COL27A1: variants seen among roughly 807,000 people sequenced by gnomAD.
The protein encoded by COL27A1 is collagen alpha-1(XXVII) chain.
A neutral mutation model predicts 251.3 loss-of-function variants in COL27A1; 106 were observed. The ratio of observed to expected loss-of-function variants is 0.42; its 90% CI spans 0.36 to 0.50. COL27A1 has a LOEUF of 0.50. Among genes scored for constraint, COL27A1 ranks in the 20% least tolerant of loss-of-function variants. The pLI is 0.00. For synonymous variants in COL27A1, 1,000 were observed against 986.3 expected (o/e 1.01, Z -0.26); for missense variants, 2,325 against 2,522.8 (o/e 0.92, Z 1.68).
chr9:114,290,472 G>C lies in COL27A1; in HGVS notation c.4368+141G>C, dbSNP rs1174959637. 1.3e-6 allele frequency: 1 copy of C among 761,502 alleles called. No individual in the cohort carries two copies. The highest frequency in any genetic ancestry group is 2.2e-6 in the Non-Finnish European group (1 of 448,998). 47.2% of individuals were successfully genotyped at this position (761,502 alleles called of 1,614,324 possible). On this transcript the variant is annotated intron_variant, in intron 47 of 60. Transcript: ENST00000356083. This position sits in a 1 kb window ranked among gnomAD's most constrained non-coding sequence, Gnocchi z 4.6. Reference sequence around the variant, plus strand: ...CACATCCAGAAGTTCTCTGGGGTGGGCAACCATCTCCTCCCCTGGCACCTG... The same window carrying C: ...CACATCCAGAAGTTCTCTGGGGTGGCCAACCATCTCCTCCCCTGGCACCTG...
At chr9:114,179,786 C>T (rs1827748222) in intron 4 of COL27A1, among the ~76,000 whole-genome samples, 1 of 149,918 alleles carries the variant, frequency 6.7e-6, no homozygotes, top group Admixed American at 6.6e-5. Flanking sequence ...GAGTAAATGG[C>T]AGAGCCAGGA....
chr9:114,168,641 C>T lies in COL27A1; in HGVS notation c.1086C>T (p.Thr362=), dbSNP rs2135079987. Residue 362 remains threonine (T), a synonymous_variant, in exon 3 of 61, where the codon ACC becomes ACT. Transcript: ENST00000356083. ...AACCATCACAGAAGATCACAGCCAC[C>T]AAAATCCCCAAAAGCCTCCCTACCA... ...AAQPSQKITA[T]KIPKSLPTKP... 2 of 1,614,158 alleles carry T rather than the reference C, an allele frequency of 1.2e-6. No individual in the cohort carries two copies. The highest frequency in any genetic ancestry group is 1.1e-5 in the South Asian group (1 of 91,074).
chr9:114,256,979 A>G (rs1471762327), intron 27 of COL27A1, among the ~76,000 whole-genome samples: 1 of 152,146 alleles, frequency 6.6e-6, no homozygotes, highest in Admixed American at 6.5e-5. Flanking sequence ...CGGGAGTCAG[A>G]ACTGCCTTTT....
At chr9:114,224,506 G>C (rs1831332102) in intron 14 of COL27A1, among the ~76,000 whole-genome samples, 1 of 152,120 alleles carries the variant, frequency 6.6e-6, no homozygotes, top group Admixed American at 6.5e-5. Context: ...TACATATCCT[G>C]TCTGTCATCC....
At position 114,168,501 on chromosome 9, in the gene COL27A1, G is replaced by A. The variant is rs377356519; in HGVS notation, c.946G>A (p.Gly316Ser). 6.2e-7 allele frequency: 1 copy of A among 1,613,910 alleles called. No homozygotes were observed. The highest frequency in any genetic ancestry group is 2.2e-5 in the East Asian group (1 of 44,844). The change falls in exon 3 of 61, where the codon GGC becomes AGC. Residue 316 changes from glycine (G) to serine (S), a missense_variant. Transcript: ENST00000356083. The part of the protein sequence containing the change: ...TNPHQHMAVG[G>S]PAQTPLLPAK... The stretch of plus-strand genomic sequence containing the variant: ...CCCTCACCAGCATATGGCGGTGGGA[G>A]GCCCAGCCCAAACCCCGCTGCTACC...
At chr9:114,251,380 A>C (rs1006645861) in intron 25 of COL27A1, among the ~76,000 whole-genome samples, 2 of 151,562 alleles carry the variant, frequency 1.3e-5, no homozygotes, top group African/African-American at 2.4e-5. Flanking sequence ...CTATCACTCT[A>C]TGTGGCCCAG....
chr9:114,155,937 A>G lies in COL27A1; in HGVS notation c.-14A>G. On this transcript the variant is annotated 5_prime_UTR_variant, in exon 1 of 61. Coordinates refer to ENST00000356083, the MANE Select transcript of COL27A1 (RefSeq NM_032888.4). This position sits in a 1 kb window ranked among gnomAD's most constrained non-coding sequence, Gnocchi z 5.5. The stretch of plus-strand genomic sequence containing the variant: ...TTGCCCCCCGGGCTCGGGAGCATGA[A>G]GTAGGGGCCTGCCATGGGAGCGGGA... The G allele has an allele frequency of 8.0e-7, 1 of 1,253,470 alleles. No individual in the cohort carries two copies. The allele number at this position is 1,253,470 out of a possible 1,614,324, so 77.6% of individuals were successfully genotyped here.
intron 37 of COL27A1, 64 bp from the exon 38 acceptor site, chr9:114,282,213 G>A (rs752828024): frequency 1.9e-5 from 29 of 1,490,380 alleles, no homozygotes; most frequent in East Asian, 4.5e-5. Context: ...ACCGCCTTGC[G>A]GATCCGCCTC....
chr9:114,155,939 T>C lies in COL27A1; in HGVS notation c.-12T>C, dbSNP rs1429427733. The stretch of plus-strand genomic sequence containing the variant: ...GCCCCCCGGGCTCGGGAGCATGAAG[T>C]AGGGGCCTGCCATGGGAGCGGGATC... On this transcript the variant is annotated 5_prime_UTR_variant, in exon 1 of 61. It removes the in-frame stop codon of an upstream open reading frame in the 5' UTR. Coordinates refer to ENST00000356083, the MANE Select transcript of COL27A1 (RefSeq NM_032888.4). This position sits in a 1 kb window ranked among gnomAD's most constrained non-coding sequence, Gnocchi z 5.5. The C allele has an allele frequency of 2.1e-5, 27 of 1,255,916 alleles. No individual in the cohort carries two copies. Among genetic ancestry groups the C allele is most frequent in the Non-Finnish European group, 2.4e-5 (24 of 996,958 alleles). The allele number at this position is 1,255,916 out of a possible 1,614,324, so 77.8% of individuals were successfully genotyped here. A position where few individuals can be genotyped will look rare whatever the true frequency, so the allele number is the denominator to read the frequency against.
chr9:114,300,856 C>A (rs1202290858), intron 51 of COL27A1, among the ~76,000 whole-genome samples, 169 bp downstream of exon 51: 2 of 152,228 alleles, frequency 1.3e-5, no homozygotes, highest in African/African-American at 4.8e-5. Flanking sequence ...AGCTCAGCCC[C>A]CATCCTTCCC....
At position 114,269,500 on chromosome 9, in the gene COL27A1, A is replaced by G. The variant is rs570832182; in HGVS notation, c.3555+206A>G. 2.6e-5 allele frequency among the ~76,000 whole-genome samples: 4 copies of G among 151,112 alleles called. No individual in the cohort carries two copies. The East Asian group carries it at 7.8e-4, about 30-fold the overall frequency. On this transcript the variant is annotated intron_variant, in intron 35 of 60. Transcript: ENST00000356083. ...AAGGCATTTTGTGGTCTGTAGTCCCAGCTACTCGGGGGGCTGAGGCAGGAG... is the reference window on the plus strand; with the variant it reads ...AAGGCATTTTGTGGTCTGTAGTCCCGGCTACTCGGGGGGCTGAGGCAGGAG...
chr9:114,292,180 C>A lies in COL27A1; in HGVS notation c.4554C>A (p.Asn1518Lys). 1.3e-6 allele frequency: 2 copies of A among 1,557,408 alleles called. No individual in the cohort carries two copies. Among genetic ancestry groups the A allele is most frequent in the Non-Finnish European group, 1.7e-6 (2 of 1,150,406 alleles). ...AGGGCAGAACGGGGCTCCCTGGAAA[C>A]CAGGGGGAGCCTGGGTCCAAAGGCC... is the stretch of plus-strand genomic sequence containing the variant. ...GTEGRTGLPGNQGEPGSKGQP... is the reference protein window; with the variant it reads ...GTEGRTGLPGKQGEPGSKGQP... Residue 1518 changes from asparagine (N) to lysine (K), a missense_variant, in exon 49 of 61, where the codon AAC (asparagine) becomes AAA (lysine). Asn to Lys is a moderately conservative substitution (Grantham distance 94, BLOSUM62 0). This residue lies in a region of COL27A1 where 153 missense variants were observed against 140.7 expected (regional missense o/e 1.09). Transcript: ENST00000356083.
chr9:114,167,546 G>A (rs941512859), intron 2 of COL27A1, 143 bp from the exon 3 acceptor site: 10 of 706,106 alleles, frequency 1.4e-5, no homozygotes, highest in Admixed American at 7.3e-5. Context: ...ACCATGGGGC[G>A]GTGTCATTTT....
chr9:114,260,230 T>C (rs1396730549), intron 28 of COL27A1, among the ~76,000 whole-genome samples: 2 of 152,200 alleles, frequency 1.3e-5, no homozygotes, highest in Non-Finnish European at 2.9e-5. Context: ...GTATTCCTGC[T>C]TAGGGAAACA....
intron 27 of COL27A1, among the ~76,000 whole-genome samples, chr9:114,254,267 C>A (rs1327313443): frequency 1.3e-5 from 2 of 151,366 alleles, no homozygotes; most frequent in Non-Finnish European, 2.9e-5. Flanking sequence ...TGGTGGGAGG[C>A]TCTCAAGGCA....
At chr9:114,216,320 C>T (rs1564479512) in intron 12 of COL27A1, among the ~76,000 whole-genome samples, 1 of 152,242 alleles carries the variant, frequency 6.6e-6, no homozygotes, top group African/African-American at 2.4e-5. Flanking sequence ...CAGCCAGGAG[C>T]TCGGGCATGT....
At chr9:114,268,581 C>A (rs80280630) in intron 34 of COL27A1, among the ~76,000 whole-genome samples, 1 of 152,146 alleles carries the variant, frequency 6.6e-6, no homozygotes, top group Non-Finnish European at 1.5e-5. Flanking sequence ...CCAGACTGCC[C>A]AGGTTCGGAT....
chr9:114,158,309 C>CTG (rs1177486233), intron 1 of COL27A1, among the ~76,000 whole-genome samples: 4 of 152,190 alleles, frequency 2.6e-5, no homozygotes, highest in Admixed American at 1.3e-4. Context: ...TTCTAAGATC[C>CTG]TGTGTGTTTC....
chr9:114,277,432 C>G (rs10817581), intron 37 of COL27A1, among the ~76,000 whole-genome samples: 29,486 of 152,082 alleles, frequency 0.19, 3,644 homozygotes, highest in East Asian at 0.29. Context: ...GCAAAGCAGC[C>G]CAGTTTGATT....
Sources: gnomAD v4.1 joint callset for allele counts (sites outside exome capture counted in the v4.1 genomes callset) on GRCh38, gnomAD v4.1.1 for gene constraint, gnomAD v4.1.1 regional missense constraint, Gnocchi (gnomAD v3.1) non-coding constraint, MANE v1.5 for transcripts, NCBI Gene and HGNC (gene_info 2026-07-23, HGNC 2026-07-21) for gene names.